BMPR1B: variants seen among roughly 807,000 people sequenced by gnomAD.
The protein encoded by BMPR1B is bone morphogenetic protein receptor type 1B.
Under a neutral mutation model 59.1 loss-of-function variants are expected in BMPR1B, and 12 were observed. That is an observed-to-expected ratio of 0.20 (90% CI 0.13 to 0.33). BMPR1B has a LOEUF of 0.33. Ranked by LOEUF, BMPR1B falls within the 10% of genes least tolerant of loss-of-function variation. The pLI, the probability that BMPR1B is intolerant of heterozygous loss-of-function variation, is 1.00. For missense variants in BMPR1B, 550 were observed against 610.9 expected (o/e 0.90, Z 1.05); for synonymous variants, 237 against 207.3 (o/e 1.14, Z -1.23).
chr4:94,961,117 G>C (rs1730335847), intron 2 of BMPR1B, among the ~76,000 whole-genome samples: 1 of 152,104 alleles, frequency 6.6e-6, no homozygotes, highest in Non-Finnish European at 1.5e-5. Context: ...GTTTAGCACT[G>C]CTTTTTTAGG....
chr4:95,051,842 T>G (rs776319376), intron 3 of BMPR1B: 19 of 1,455,584 alleles, frequency 1.3e-5, no homozygotes, highest in Non-Finnish European at 1.7e-5. Flanking sequence ...GTGGCTTTTA[T>G]CGCAGAAGGG....
At chr4:94,888,553 A>T (rs1009777322) in intron 2 of BMPR1B, among the ~76,000 whole-genome samples, 4 of 151,980 alleles carry the variant, frequency 2.6e-5, no homozygotes, top group Non-Finnish European at 4.4e-5. Context: ...ACATTATTTA[A>T]TTTTTTCACA....
Position 95,154,784 on chromosome 4 carries a change from C to G in BMPR1B, c.*111C>G. 6.6e-7 allele frequency: 1 copy of G among 1,505,346 alleles called. No individual in the cohort carries two copies. The highest frequency in any genetic ancestry group is 9.2e-7 in the Non-Finnish European group (1 of 1,091,448). 93.2% of individuals were successfully genotyped at this position (1,505,346 alleles called of 1,614,324 possible). A position where few individuals can be genotyped will look rare whatever the true frequency, so the allele number is the denominator to read the frequency against. On this transcript the variant is annotated 3_prime_UTR_variant, in exon 13 of 13. Coordinates refer to ENST00000515059, the MANE Select transcript of BMPR1B (RefSeq NM_001203.3). ...CCACAGTACAAGCCTTGAACATCGTCCTGCTTCCCAGTGGGTTCAGACCTC... is the reference window on the plus strand; with the variant it reads ...CCACAGTACAAGCCTTGAACATCGTGCTGCTTCCCAGTGGGTTCAGACCTC...
intron 1 of BMPR1B, among the ~76,000 whole-genome samples, chr4:94,807,209 C>T (rs1226613287): frequency 1.3e-5 from 2 of 152,128 alleles, no homozygotes; most frequent in Non-Finnish European, 2.9e-5. Context: ...ATCCTCCCAC[C>T]TCAGCCTCCC....
chr4:95,109,804 C>A (rs916887722), intron 4 of BMPR1B, among the ~76,000 whole-genome samples: 12 of 151,316 alleles, frequency 7.9e-5, no homozygotes, highest in African/African-American at 2.9e-4. Context: ...TGGTGTGCTG[C>A]ACCCATTAAC....
intron 3 of BMPR1B, among the ~76,000 whole-genome samples, chr4:95,002,556 G>A (rs187451311): frequency 6.6e-6 from 1 of 152,318 alleles, no homozygotes; most frequent in Non-Finnish European, 1.5e-5. Flanking sequence ...TCTCCAAACT[G>A]CTTCCACAGT....
intron 11 of BMPR1B, among the ~76,000 whole-genome samples, chr4:95,150,056 C>T (rs1168506455): frequency 2.0e-5 from 3 of 152,142 alleles, no homozygotes; most frequent in East Asian, 3.8e-4. Context: ...AAAGAAGAAA[C>T]AGTTAATCAA....
At chr4:94,890,177 A>G (rs1279017653) in intron 2 of BMPR1B, among the ~76,000 whole-genome samples, 1 of 152,078 alleles carries the variant, frequency 6.6e-6, no homozygotes, top group Non-Finnish European at 1.5e-5. Context: ...CTAATTGCAT[A>G]TAACAAGAAG....
chr4:95,072,185 C>A (rs1385166498), intron 3 of BMPR1B, among the ~76,000 whole-genome samples: 1 of 152,172 alleles, frequency 6.6e-6, no homozygotes, highest in Non-Finnish European at 1.5e-5. Context: ...GAGAAAGGGT[C>A]AGCCTTTTTG....
chr4:94,978,945 TACATAC>T (rs987516242), intron 2 of BMPR1B, among the ~76,000 whole-genome samples: 12 of 112,942 alleles, frequency 1.1e-4, no homozygotes, highest in African/African-American at 3.5e-4. Context: ...CCATCACACA[TACATAC>T]ACACACACAC....
At chr4:94,915,879 C>T (rs1231226040) in intron 2 of BMPR1B, among the ~76,000 whole-genome samples, 3 of 152,154 alleles carry the variant, frequency 2.0e-5, no homozygotes. Flanking sequence ...GGTCAGATCC[C>T]TCATGGCTTG....
At chr4:94,790,799 T>C (rs1211504358) in intron 1 of BMPR1B, among the ~76,000 whole-genome samples, 1 of 152,234 alleles carries the variant, frequency 6.6e-6, no homozygotes, top group Non-Finnish European at 1.5e-5. Context: ...ACACACATTT[T>C]AGTTTTTTAC....
At chr4:94,828,356 T>G (rs894007892) in intron 1 of BMPR1B, among the ~76,000 whole-genome samples, 1 of 152,184 alleles carries the variant, frequency 6.6e-6, no homozygotes, top group Non-Finnish European at 1.5e-5. Flanking sequence ...ATAATTTGGG[T>G]TATTTCCAAT....
chr4:95,145,982 T>G (rs1734612773), intron 10 of BMPR1B, among the ~76,000 whole-genome samples: 1 of 152,244 alleles, frequency 6.6e-6, no homozygotes, highest in Non-Finnish European at 1.5e-5. Flanking sequence ...AACCTTTTCC[T>G]TCTTTCATTT....
At chr4:94,934,443 C>T (rs1032082181) in intron 2 of BMPR1B, among the ~76,000 whole-genome samples, 1 of 145,972 alleles carries the variant, frequency 6.9e-6, no homozygotes, top group Non-Finnish European at 1.5e-5. Flanking sequence ...GGGAACTTTT[C>T]CCAGCTATGG....
At chr4:94,939,081 C>T (rs963492515) in intron 2 of BMPR1B, among the ~76,000 whole-genome samples, 18 of 152,286 alleles carry the variant, frequency 1.2e-4, no homozygotes, top group Admixed American at 7.9e-4. Flanking sequence ...CTCCGAGCCT[C>T]TATGTCCCTT....
intron 2 of BMPR1B, among the ~76,000 whole-genome samples, chr4:94,964,735 G>A (rs77155799): frequency 6.6e-6 from 1 of 152,174 alleles, no homozygotes; most frequent in Admixed American, 6.5e-5. Flanking sequence ...CAACAGGTTA[G>A]CAGTGTTTTT....
rs1050659944 is a variant in BMPR1B, at chr4:95,157,935, A to G, written c.*3262A>G. 3 of 152,190 alleles carry G rather than the reference A, an allele frequency of 2.0e-5. No homozygotes were observed. Among genetic ancestry groups the G allele is most frequent in the African/African-American group, 4.8e-5 (2 of 41,448 alleles). The allele number at this position is 152,190 out of a possible 1,614,324, so 9.4% of individuals were successfully genotyped here. A position where few individuals can be genotyped will look rare whatever the true frequency, so the allele number is the denominator to read the frequency against. ...ACAGGGAATTCTTTGACACATTTCAATTGGTGTGTAGTCAAGTATAGCAAG... is the reference window on the plus strand; with the variant it reads ...ACAGGGAATTCTTTGACACATTTCAGTTGGTGTGTAGTCAAGTATAGCAAG... On this transcript the variant is annotated 3_prime_UTR_variant, in exon 13 of 13. Transcript: ENST00000515059.
chr4:95,071,650 G>GTA (rs1459082558), intron 3 of BMPR1B, among the ~76,000 whole-genome samples: 2,088 of 78,302 alleles, frequency 0.027, 50 homozygotes, highest in African/African-American at 0.067. Context: ...GTGTGTGTGT[G>GTA]TGTATATATA....
Sources: allele counts gnomAD v4.1 joint callset (sites outside exome capture counted in the v4.1 genomes callset), GRCh38; gene constraint gnomAD v4.1.1; transcripts MANE v1.5; gene names NCBI Gene and HGNC (gene_info 2026-07-23, HGNC 2026-07-21).